SLCO5A1: variants seen among roughly 807,000 people sequenced by gnomAD.
The protein encoded by SLCO5A1 is solute carrier organic anion transporter family member 5A1, also known as organic anion transporter polypeptide-related protein 4.
SLCO5A1 carries 39 observed loss-of-function variants against 65.1 expected under a neutral mutation model. The observed-to-expected ratio is 0.60, with a 90% CI of 0.46 to 0.78. SLCO5A1 has a LOEUF of 0.78. Among genes scored for constraint, SLCO5A1 ranks in the 30% least tolerant of loss-of-function variants. The pLI is 0.00. For missense variants in SLCO5A1, 1,029 were observed against 1,069.4 expected (o/e 0.96, Z 0.53); for synonymous variants, 438 against 415.7 (o/e 1.05, Z -0.65).
At chr8:69,687,954 T>C (rs1267436185) in intron 6 of SLCO5A1, among the ~76,000 whole-genome samples, 1 of 152,016 alleles carries the variant, frequency 6.6e-6, no homozygotes, top group Non-Finnish European at 1.5e-5. Context: ...ATAGGCATTT[T>C]TGAAATAAAA....
intron 2 of SLCO5A1, among the ~76,000 whole-genome samples, chr8:69,763,289 A>G (rs538489595): frequency 1.5e-3 from 226 of 151,978 alleles, no homozygotes; most frequent in Non-Finnish European, 2.6e-3. Flanking sequence ...AGTCTGGGCA[A>G]CAAGAGCAAA....
intron 4 of SLCO5A1, among the ~76,000 whole-genome samples, chr8:69,744,938 A>G (rs534317274): frequency 1.9e-4 from 29 of 152,332 alleles, no homozygotes; most frequent in African/African-American, 7.0e-4. Flanking sequence ...ATGGCATCAG[A>G]TAAGATTATA....
chr8:69,789,303 G>A (rs1277539021), intron 2 of SLCO5A1, among the ~76,000 whole-genome samples: 1 of 152,194 alleles, frequency 6.6e-6, no homozygotes, highest in Non-Finnish European at 1.5e-5. Context: ...CCAAAAATCA[G>A]TATGCAAGTA....
At chr8:69,791,390 T>C (rs1286149146) in intron 2 of SLCO5A1, among the ~76,000 whole-genome samples, 1 of 152,054 alleles carries the variant, frequency 6.6e-6, no homozygotes. Flanking sequence ...ACACTGTAAA[T>C]CCAAGACATG....
At chr8:69,786,006 T>G (rs987300003) in intron 2 of SLCO5A1, among the ~76,000 whole-genome samples, 9 of 152,216 alleles carry the variant, frequency 5.9e-5, no homozygotes, top group African/African-American at 1.9e-4. Flanking sequence ...ACTTATACAT[T>G]TTATCAAATT....
At chr8:69,830,431 A>T (rs7812803) in intron 2 of SLCO5A1, among the ~76,000 whole-genome samples, 38,185 of 152,008 alleles carry the variant, frequency 0.25, 5,714 homozygotes, top group African/African-American at 0.42. Context: ...GGGTTCAAGC[A>T]ATCCTCCTGC....
intron 2 of SLCO5A1, among the ~76,000 whole-genome samples, chr8:69,793,648 C>T (rs1273312703): frequency 4.6e-5 from 7 of 151,766 alleles, no homozygotes; most frequent in Admixed American, 2.6e-4. Flanking sequence ...TGTGGTGGCT[C>T]GCACCCATAA....
rs541668872 is a variant in SLCO5A1, at chr8:69,826,467, A to G, written c.907+5300T>C. 1.8e-4 allele frequency among the ~76,000 whole-genome samples: 27 copies of G among 152,248 alleles called. No individual in the cohort carries two copies. In the East Asian group the frequency reaches 4.6e-3, roughly 26 times the overall value. ...CAAACAACCCCATCAAAAAGTGGGC[A>G]AAGGATATGAACAGACACTTCTCAA... On this transcript the variant is annotated intron_variant, in intron 2 of 9. Coordinates refer to ENST00000260126, the MANE Select transcript of SLCO5A1 (RefSeq NM_030958.3).
chr8:69,738,314 C>A, intron 4 of SLCO5A1, 110 bp from the exon 5 acceptor site: 2 of 956,258 alleles, frequency 2.1e-6, no homozygotes, highest in Non-Finnish European at 2.9e-6. Flanking sequence ...GCAACATTTG[C>A]CACCAAGGAA....
chr8:69,679,653 C>A, intron 7 of SLCO5A1, 34 bp from the exon 8 acceptor site: 2 of 1,599,636 alleles, frequency 1.3e-6, no homozygotes, highest in South Asian at 1.1e-5. Context: ...GTTGTGTGCC[C>A]CTCAAAAGCT....
chr8:69,679,388 C>T lies in SLCO5A1; in HGVS notation c.2014G>A (p.Val672Ile). The change falls in exon 8 of 10, where the codon GTA becomes ATA. Residue 672 changes from valine to isoleucine, a missense_variant. Coordinates refer to ENST00000260126, the MANE Select transcript of SLCO5A1 (RefSeq NM_030958.3). ...TACAQPSAII[V>I]TLRSVEDEER... Reference sequence around the variant, plus strand: ...GAATGCTGTTCTCACCTGAGTGTTACTATGATAGCTGATGGTTGGGCACAT... The same window carrying T: ...GAATGCTGTTCTCACCTGAGTGTTATTATGATAGCTGATGGTTGGGCACAT... 2 of 1,614,176 alleles carry T rather than the reference C, an allele frequency of 1.2e-6. No individual in the cohort carries two copies. Among genetic ancestry groups the T allele is most frequent in the Non-Finnish European group, 1.7e-6 (2 of 1,180,026 alleles).
At chr8:69,689,958 T>A (rs1814173373) in intron 6 of SLCO5A1, among the ~76,000 whole-genome samples, 1 of 152,240 alleles carries the variant, frequency 6.6e-6, no homozygotes, top group African/African-American at 2.4e-5. Context: ...ATATTGATTC[T>A]TCCTACTCAT....
chr8:69,749,111 C>T (rs574306809), intron 4 of SLCO5A1, among the ~76,000 whole-genome samples: 12 of 152,340 alleles, frequency 7.9e-5, no homozygotes, highest in Admixed American at 2.6e-4. Flanking sequence ...GCGTCAAAAA[C>T]TGACCTGGAC....
chr8:69,668,980 C>A lies in SLCO5A1; in HGVS notation c.*3889G>T, dbSNP rs1813258868. 6.6e-6 allele frequency: 1 copy of A among 151,898 alleles called. No individual in the cohort carries two copies. The highest frequency in any genetic ancestry group is 6.6e-5 in the Admixed American group (1 of 15,266). The allele number at this position is 151,898 out of a possible 1,614,324, so 9.4% of individuals were successfully genotyped here. On this transcript the variant is annotated 3_prime_UTR_variant, in exon 10 of 10. Coordinates refer to ENST00000260126, the MANE Select transcript of SLCO5A1 (RefSeq NM_030958.3). ...AAAAACTAATAGAGATGTTAATATT[C>A]TGAAAGAGGAAAATAAAAAAAAATA...
chr8:69,827,918 G>A (rs1030640179), intron 2 of SLCO5A1, among the ~76,000 whole-genome samples: 2 of 152,068 alleles, frequency 1.3e-5, no homozygotes, highest in African/African-American at 2.4e-5. Context: ...ATTCTTCTGC[G>A]CTGTTGGAAA....
chr8:69,776,302 T>G (rs1271516498), intron 2 of SLCO5A1, among the ~76,000 whole-genome samples: 4 of 152,218 alleles, frequency 2.6e-5, no homozygotes, highest in Admixed American at 2.6e-4. Flanking sequence ...TTAATGTTTA[T>G]GAAGAATTTT....
At chr8:69,786,623 T>C (rs556644899) in intron 2 of SLCO5A1, among the ~76,000 whole-genome samples, 1 of 152,298 alleles carries the variant, frequency 6.6e-6, no homozygotes, top group South Asian at 2.1e-4. Flanking sequence ...AAGAAAGTGA[T>C]CTTTTCATGA....
At chr8:69,818,059 T>C (rs1820477188) in intron 2 of SLCO5A1, among the ~76,000 whole-genome samples, 1 of 152,198 alleles carries the variant, frequency 6.6e-6, no homozygotes, top group South Asian at 2.1e-4. Context: ...TTGGTGAATA[T>C]CAAAATGGAT....
chr8:69,830,007 T>C (rs921845607), intron 2 of SLCO5A1, among the ~76,000 whole-genome samples: 1 of 152,252 alleles, frequency 6.6e-6, no homozygotes, highest in Non-Finnish European at 1.5e-5. Context: ...TCAACTTTTC[T>C]GTATGTTTAA....
Sources: allele counts gnomAD v4.1 joint callset (sites outside exome capture counted in the v4.1 genomes callset), GRCh38; gene constraint gnomAD v4.1.1; transcripts MANE v1.5; gene names NCBI Gene and HGNC (gene_info 2026-07-23, HGNC 2026-07-21).